The following CCDC50 variants were observed in gnomAD, a reference collection of about 807,000 sequenced individuals.
CCDC50 encodes coiled-coil domain containing 50.
Under a neutral mutation model 70.2 loss-of-function variants are expected in CCDC50, and 54 were observed. That is an observed-to-expected ratio of 0.77 (90% CI 0.62 to 0.96). CCDC50 has a LOEUF of 0.96. CCDC50 is among the 50% of genes least tolerant of loss of function. The probability of loss-of-function intolerance (pLI) is 0.00; values close to 1 mark genes in which losing one functional copy is unlikely to be tolerated. For missense variants in CCDC50, 558 were observed against 578.7 expected (o/e 0.96, Z 0.37); for synonymous variants, 216 against 198.8 (o/e 1.09, Z -0.73).
intron 10 of CCDC50, among the ~76,000 whole-genome samples, chr3:191,387,207 A>G (rs898838816): frequency 2.0e-5 from 3 of 152,172 alleles, no homozygotes; most frequent in African/African-American, 4.8e-5. Flanking sequence ...GTTAAGTGCT[A>G]TGGATGAAAA....
At position 191,395,298 on chromosome 3, in the gene CCDC50, ATAAT is replaced by A. The variant is rs369464212; in HGVS notation, c.*3541_*3544del. ...AAAGTTAGAACTTTTCAGTATAAAAATAATTAGCTTTTAACTGATTATTAATTTT... is the reference window on the plus strand; with the variant it reads ...AAAGTTAGAACTTTTCAGTATAAAAATAGCTTTTAACTGATTATTAATTTT... On this transcript the variant is annotated 3_prime_UTR_variant, in exon 12 of 12. Coordinates refer to ENST00000392455, the MANE Select transcript of CCDC50 (RefSeq NM_178335.3). The A allele has an allele frequency of 1.3e-5, 2 of 152,200 alleles. No homozygotes were observed. The highest frequency in any genetic ancestry group is 1.3e-4 in the Admixed American group (2 of 15,278). The allele number at this position is 152,200 out of a possible 1,614,324, so 9.4% of individuals were successfully genotyped here. A position where few individuals can be genotyped will look rare whatever the true frequency, so the allele number is the denominator to read the frequency against.
Position 191,361,023 on chromosome 3 carries a change from A to G in CCDC50, c.240-46A>G, listed in dbSNP as rs770830190. 2.1e-5 allele frequency: 27 copies of G among 1,275,574 alleles called. No homozygotes were observed. In the Admixed American group the frequency reaches 4.2e-4, roughly 20 times the overall value. 79.0% of individuals were successfully genotyped at this position (1,275,574 alleles called of 1,614,324 possible). On this transcript the variant is annotated intron_variant, in intron 3 of 11. Transcript: ENST00000392455. ...TGTATTTATTACTTTTAGGAAATACATTATTTTTTATTTTCCTTATTCATG... is the reference window on the plus strand; with the variant it reads ...TGTATTTATTACTTTTAGGAAATACGTTATTTTTTATTTTCCTTATTCATG...
chr3:191,340,324 A>G (rs1315379977), intron 1 of CCDC50, among the ~76,000 whole-genome samples: 1 of 152,236 alleles, frequency 6.6e-6, no homozygotes, highest in South Asian at 2.1e-4. Context: ...TAAAGTCCTT[A>G]TATTTCTGTA....
chr3:191,333,877 A>G (rs1219748991), intron 1 of CCDC50, among the ~76,000 whole-genome samples: 1 of 152,048 alleles, frequency 6.6e-6, no homozygotes, highest in Admixed American at 6.6e-5. Flanking sequence ...TTTTTTTCTA[A>G]TTTTTTATAG....
intron 1 of CCDC50, among the ~76,000 whole-genome samples, chr3:191,339,954 T>C (rs1576948832): frequency 6.6e-6 from 1 of 152,220 alleles, no homozygotes; most frequent in Middle Eastern, 3.2e-3. Context: ...GCAGCAGCAA[T>C]GAAGAAAGCA....
At chr3:191,388,353 T>G (rs1008927409) in intron 10 of CCDC50, among the ~76,000 whole-genome samples, 1 of 152,042 alleles carries the variant, frequency 6.6e-6, no homozygotes, top group Non-Finnish European at 1.5e-5. Flanking sequence ...TCCAGTTGAG[T>G]TTGAGCCCTG....
At chr3:191,377,691 A>G (rs1004970903) in intron 6 of CCDC50, among the ~76,000 whole-genome samples, 1 of 152,168 alleles carries the variant, frequency 6.6e-6, no homozygotes, top group African/African-American at 2.4e-5. Flanking sequence ...ACCTTATTCC[A>G]AGCTCAGAAT....
chr3:191,369,043 G>C (rs1712804410), intron 4 of CCDC50, among the ~76,000 whole-genome samples: 1 of 152,096 alleles, frequency 6.6e-6, no homozygotes, highest in South Asian at 2.1e-4. Context: ...TCTAGCCTCA[G>C]CTTTTTCTAC....
chr3:191,375,692 A>T (rs993423709), intron 6 of CCDC50, 103 bp downstream of exon 6: 3 of 1,197,608 alleles, frequency 2.5e-6, no homozygotes, highest in Non-Finnish European at 3.6e-6. Context: ...TCTCTAGTTC[A>T]TGCTCATGAC....
intron 1 of CCDC50, among the ~76,000 whole-genome samples, chr3:191,331,947 C>G (rs1206584667): frequency 6.6e-6 from 1 of 151,892 alleles, no homozygotes; most frequent in African/African-American, 2.4e-5. Context: ...TTTTTGAACC[C>G]CATTCAAAAA....
rs73053260 is a variant in CCDC50 at position 191,390,085 on chromosome 3, A to C, written c.1429+483A>C. ...ACCATGTCACCCCAGGCTGGACTCA[A>C]GTAATCCCTCTGCCTCTGCCTCCCA... is the stretch of plus-strand genomic sequence containing the variant. On this transcript the variant is annotated intron_variant, in intron 11 of 11. Coordinates refer to ENST00000392455, the MANE Select transcript of CCDC50 (RefSeq NM_178335.3). Among the ~76,000 whole-genome samples, 172 of 152,126 alleles carry C rather than the reference A, an allele frequency of 1.1e-3. 2 individuals carry two copies. The highest frequency in any genetic ancestry group is 4.0e-3 in the African/African-American group (166 of 41,504).
At position 191,366,790 on chromosome 3, in the gene CCDC50, G is replaced by T. The variant is rs1390190872; in HGVS notation, c.331-3129G>T. Among the ~76,000 whole-genome samples, 6 of 152,064 alleles carry T rather than the reference G, an allele frequency of 3.9e-5. No individual in the cohort carries two copies. The East Asian group carries it at 1.2e-3, about 29-fold the overall frequency. ...TTTTGGATAAAGTTTTGAGGCCAGTGTTCTCAGGAAGAGGCTTGGGAAGTG... is the reference window on the plus strand; with the variant it reads ...TTTTGGATAAAGTTTTGAGGCCAGTTTTCTCAGGAAGAGGCTTGGGAAGTG... On this transcript the variant is annotated intron_variant, in intron 4 of 11. Transcript: ENST00000392455.
intron 1 of CCDC50, among the ~76,000 whole-genome samples, chr3:191,330,909 G>C (rs1717959517): frequency 6.6e-6 from 1 of 152,126 alleles, no homozygotes; most frequent in Non-Finnish European, 1.5e-5. Flanking sequence ...TACTGTTCCG[G>C]AAGGGTGTTA....
intron 4 of CCDC50, among the ~76,000 whole-genome samples, chr3:191,364,587 G>T (rs539164606): frequency 1.4e-5 from 2 of 141,454 alleles, no homozygotes; most frequent in South Asian, 2.1e-4. Flanking sequence ...TTGGAACAGA[G>T]ATTTTTTTTT....
At chr3:191,389,472 C>T (rs760608722) in intron 10 of CCDC50, 24 bp from the exon 11 acceptor site, 14 of 1,585,422 alleles carry the variant, frequency 8.8e-6, no homozygotes, top group East Asian at 2.2e-5. Flanking sequence ...TAGAATGCCC[C>T]TTTAAATTCT....
intron 5 of CCDC50, among the ~76,000 whole-genome samples, chr3:191,371,339 T>C (rs1712907625): frequency 6.6e-6 from 1 of 152,122 alleles, no homozygotes; most frequent in Admixed American, 6.6e-5. Flanking sequence ...TTGCAAGTGT[T>C]GTCGAGTCCT....
intron 1 of CCDC50, among the ~76,000 whole-genome samples, chr3:191,356,629 C>G (rs1375559296): frequency 3.3e-5 from 5 of 152,200 alleles, no homozygotes; most frequent in Admixed American, 3.3e-4. Context: ...ACATAAATTG[C>G]TGGGAGAGGA....
intron 3 of CCDC50, among the ~76,000 whole-genome samples, chr3:191,359,291 A>T (rs559474368): frequency 3.3e-5 from 5 of 150,462 alleles, no homozygotes; most frequent in Admixed American, 1.3e-4. Context: ...AGCAGCATGC[A>T]TAAGGGCAGG....
At chr3:191,379,090 A>G (rs1183854934) in intron 6 of CCDC50, among the ~76,000 whole-genome samples, 1 of 152,134 alleles carries the variant, frequency 6.6e-6, no homozygotes, top group Non-Finnish European at 1.5e-5. Flanking sequence ...GACAAAAATC[A>G]TTTTAATTTA....
Sources: gnomAD v4.1 joint callset for allele counts (sites outside exome capture counted in the v4.1 genomes callset) on GRCh38, gnomAD v4.1.1 for gene constraint, MANE v1.5 for transcripts, NCBI Gene and HGNC (gene_info 2026-07-23, HGNC 2026-07-21) for gene names.